STK3: variants seen among roughly 807,000 people sequenced by gnomAD.
The protein encoded by STK3 is serine/threonine-protein kinase 3.
A neutral mutation model predicts 58.0 loss-of-function variants in STK3; 41 were observed. That is an observed-to-expected ratio of 0.71 (90% CI 0.55 to 0.92). STK3 has a LOEUF of 0.92. Ranked by LOEUF, STK3 falls within the 40% of genes least tolerant of loss-of-function variation. The pLI, the probability that STK3 is intolerant of heterozygous loss-of-function variation, is 0.00. For synonymous variants in STK3, 170 were observed against 191.0 expected (o/e 0.89, Z 0.91); for missense variants, 479 against 602.7 (o/e 0.79, Z 2.15).
chr8:98,600,047 G>A (rs1816196859), intron 6 of STK3, among the ~76,000 whole-genome samples: 1 of 152,166 alleles, frequency 6.6e-6, no homozygotes, highest in Non-Finnish European at 1.5e-5. Context: ...AAATTTTGAA[G>A]AGAATAGTAA....
chr8:98,553,469 G>A (rs150334441), intron 8 of STK3: 1 of 152,188 alleles, frequency 6.6e-6, no homozygotes, highest in African/African-American at 2.4e-5. Context: ...TCATTATGAG[G>A]TAATGCCAAA....
At chr8:98,759,185 C>A (rs778617086) in intron 3 of STK3, among the ~76,000 whole-genome samples, 1 of 152,242 alleles carries the variant, frequency 6.6e-6, no homozygotes, top group South Asian at 2.1e-4. Context: ...CGGCTTTCAA[C>A]CTGTCTTCCT....
chr8:98,740,641 T>C (rs1039457019), intron 4 of STK3, among the ~76,000 whole-genome samples: 1 of 152,168 alleles, frequency 6.6e-6, no homozygotes. Flanking sequence ...TGCAAAATCA[T>C]GCCAAATTGT....
chr8:98,846,224 T>A (rs1272866627), intron 3 of STK3, among the ~76,000 whole-genome samples: 1 of 152,194 alleles, frequency 6.6e-6, no homozygotes, highest in Non-Finnish European at 1.5e-5. Flanking sequence ...GTACACGAAG[T>A]CTCATTAGTA....
chr8:98,406,508 C>T (rs1381886382), intron 3 of STK3, among the ~76,000 whole-genome samples: 7 of 152,138 alleles, frequency 4.6e-5, no homozygotes, highest in African/African-American at 1.4e-4. Flanking sequence ...TCTGCCCCCA[C>T]ACATTGTAAT....
chr8:98,901,576 G>A (rs1287048368), intron 1 of STK3, among the ~76,000 whole-genome samples: 4 of 152,232 alleles, frequency 2.6e-5, no homozygotes, highest in African/African-American at 9.6e-5. Flanking sequence ...AGCAGCAGGG[G>A]TTCCCAGGCT....
chr8:98,589,542 T>C (rs1383414729), intron 7 of STK3, among the ~76,000 whole-genome samples: 1 of 152,234 alleles, frequency 6.6e-6, no homozygotes, highest in East Asian at 1.9e-4. Flanking sequence ...AGGTTACTGC[T>C]GTCTTTTTGT....
intron 10 of STK3, among the ~76,000 whole-genome samples, chr8:98,512,305 T>C (rs1824581930): frequency 6.6e-6 from 1 of 152,194 alleles, no homozygotes; most frequent in South Asian, 2.1e-4. Context: ...ATAGAGACTA[T>C]AGTAATTGAT....
chr8:98,593,522 G>A (rs1815517895), intron 7 of STK3, among the ~76,000 whole-genome samples: 1 of 152,190 alleles, frequency 6.6e-6, no homozygotes, highest in Non-Finnish European at 1.5e-5. Context: ...TGCACAGCAG[G>A]AGGTGAGTGA....
At chr8:98,417,279 C>T (rs1818125686) in intron 3 of STK3, among the ~76,000 whole-genome samples, 1 of 152,126 alleles carries the variant, frequency 6.6e-6, no homozygotes, top group African/African-American at 2.4e-5. Flanking sequence ...CTTTGGGAGG[C>T]CGAGGTGGGT....
intron 1 of STK3, among the ~76,000 whole-genome samples, chr8:98,807,097 T>C (rs1458003447): frequency 7.3e-6 from 1 of 136,588 alleles, no homozygotes; most frequent in Non-Finnish European, 1.5e-5. Flanking sequence ...GAGCTTGCAG[T>C]GAGCCAAGAT....
intron 3 of STK3, among the ~76,000 whole-genome samples, chr8:98,860,663 C>T (rs900865668): frequency 2.4e-4 from 36 of 152,154 alleles, no homozygotes; most frequent in African/African-American, 8.7e-4. Context: ...AGTGAAAGAT[C>T]ATAGGTTATG....
chr8:98,869,919 T>C (rs566623387), intron 3 of STK3, among the ~76,000 whole-genome samples: 3 of 152,168 alleles, frequency 2.0e-5, no homozygotes, highest in Admixed American at 6.5e-5. Flanking sequence ...TATGTATACA[T>C]GTGCCATGGT....
At chr8:98,655,928 C>T (rs1345119773) in intron 6 of STK3, among the ~76,000 whole-genome samples, 5 of 152,144 alleles carry the variant, frequency 3.3e-5, no homozygotes, top group East Asian at 1.9e-4. Context: ...GTCAGTGTGG[C>T]GATTCCTCAG....
rs1171231065 is a variant in STK3, at chr8:98,680,978, TTTC to T, written c.684+25486_684+25488del. Among the ~76,000 whole-genome samples, 24 of 138,200 alleles carry T rather than the reference TTTC, an allele frequency of 1.7e-4. 1 individual carries two copies. The highest frequency in any genetic ancestry group is 5.5e-4 in the African/African-American group (22 of 39,832). The allele number at this position is 138,200 out of a possible 152,430, so 90.7% of individuals were successfully genotyped here. On this transcript the variant is annotated intron_variant, in intron 6 of 10. Transcript: ENST00000419617. ...TCCTTCTATAGTTTCTAACCCCACC[TTTC>T]TTTTTTTTTTTTTTTTTTGGTGTTG...
chr8:98,923,051 A>C (rs1839631906), intron 1 of STK3, among the ~76,000 whole-genome samples: 1 of 152,194 alleles, frequency 6.6e-6, no homozygotes, highest in Non-Finnish European at 1.5e-5. Context: ...TACACCATCC[A>C]TGGGGTTTCA....
At chr8:98,401,139 G>A (rs1817940092), downstream of STK3, among the ~76,000 whole-genome samples, 1 of 152,142 alleles carries the variant, frequency 6.6e-6, no homozygotes, top group Non-Finnish European at 1.5e-5. Context: ...AAGAAGTCCA[G>A]CCCCCTGAAG....
chr8:98,494,965 C>T (rs1435004411), intron 10 of STK3, among the ~76,000 whole-genome samples: 1 of 152,176 alleles, frequency 6.6e-6, no homozygotes, highest in Admixed American at 6.6e-5. Context: ...ATGAATCCAA[C>T]CACTAAATTA....
intron 1 of STK3, among the ~76,000 whole-genome samples, chr8:98,443,459 T>C (rs114170441): frequency 5.8e-4 from 89 of 152,344 alleles, no homozygotes; most frequent in African/African-American, 1.9e-3. Context: ...CACTGAATGA[T>C]AGTGGCAACA....
Sources: gnomAD v4.1 joint callset for allele counts (sites outside exome capture counted in the v4.1 genomes callset) on GRCh38, gnomAD v4.1.1 for gene constraint, MANE v1.5 for transcripts, NCBI Gene and HGNC (gene_info 2026-07-23, HGNC 2026-07-21) for gene names.